C12orf42: variants seen among roughly 807,000 people sequenced by gnomAD.
C12orf42 encodes chromosome 12 open reading frame 42, also known as uncharacterized protein C12orf42.
C12orf42 carries 25 observed loss-of-function variants against 21.6 expected under a neutral mutation model. The ratio of observed to expected loss-of-function variants is 1.16; its 90% CI spans 0.84 to 1.62. C12orf42 has a LOEUF of 1.62. C12orf42 is among the 40% of genes most tolerant of loss of function. C12orf42 has a pLI of 0.00. For synonymous variants in C12orf42, 174 were observed against 175.0 expected (o/e 0.99, Z 0.05); for missense variants, 483 against 459.3 (o/e 1.05, Z -0.47).
At chr12:103,127,308 G>T in the C12orf42 span, among the ~76,000 whole-genome samples, 1 of 152,120 alleles carries the variant, frequency 6.6e-6, no homozygotes, top group South Asian at 2.1e-4. Flanking sequence ...AATGGTATGG[G>T]ATTAAAATGC....
At chr12:103,285,904 A>G (rs1335381403) in intron 4 of C12orf42, among the ~76,000 whole-genome samples, 3 of 152,194 alleles carry the variant, frequency 2.0e-5, no homozygotes, top group Non-Finnish European at 4.4e-5. Flanking sequence ...AGTACTTAAA[A>G]CAGTGCTAAA....
At chr12:103,290,380 A>C (rs1007298254) in intron 4 of C12orf42, among the ~76,000 whole-genome samples, 1 of 152,200 alleles carries the variant, frequency 6.6e-6, no homozygotes, top group Non-Finnish European at 1.5e-5. Context: ...ACCAGACAAT[A>C]GGAAGGTCTC....
the C12orf42 span, among the ~76,000 whole-genome samples, chr12:103,086,402 T>G: frequency 6.6e-6 from 1 of 151,612 alleles, no homozygotes; most frequent in Non-Finnish European, 1.5e-5. Flanking sequence ...TATTTCTAAT[T>G]CATAGCAAAC....
the C12orf42 span, among the ~76,000 whole-genome samples, chr12:103,160,969 T>C: frequency 6.6e-6 from 1 of 152,214 alleles, no homozygotes; most frequent in Non-Finnish European, 1.5e-5. Context: ...AAATAACCCT[T>C]ATTGAGCTAT....
the C12orf42 span, among the ~76,000 whole-genome samples, chr12:103,081,696 G>C: frequency 1.3e-5 from 2 of 152,020 alleles, no homozygotes; most frequent in East Asian, 3.8e-4. Context: ...CATCCTCTTA[G>C]CTTTCAATGT....
chr12:103,214,244 T>C, the C12orf42 span, among the ~76,000 whole-genome samples: 1 of 152,304 alleles, frequency 6.6e-6, no homozygotes, highest in East Asian at 1.9e-4. Flanking sequence ...TCACAGAAGA[T>C]AAAAAGAAAA....
At chr12:103,467,367 C>A (rs1953226007) in intron 2 of C12orf42, among the ~76,000 whole-genome samples, 1 of 151,924 alleles carries the variant, frequency 6.6e-6, no homozygotes, top group Non-Finnish European at 1.5e-5. Context: ...CTCCAGAGAC[C>A]CCTGTTGAAA....
chr12:103,390,880 AC>A (rs2047019198), intron 3 of C12orf42, among the ~76,000 whole-genome samples: 1 of 152,214 alleles, frequency 6.6e-6, no homozygotes, highest in Non-Finnish European at 1.5e-5. Flanking sequence ...ATTGATAAGG[AC>A]AGATGATTTT....
chr12:103,218,275 G>A, the C12orf42 span, among the ~76,000 whole-genome samples: 14 of 135,772 alleles, frequency 1.0e-4, no homozygotes, highest in South Asian at 4.8e-4. Flanking sequence ...AATGAACTCC[G>A]CTTCAAAAAA....
At chr12:103,187,649 T>C in the C12orf42 span, among the ~76,000 whole-genome samples, 1 of 152,214 alleles carries the variant, frequency 6.6e-6, no homozygotes, top group African/African-American at 2.4e-5. Flanking sequence ...TTTAAGTATC[T>C]CTGTTATCTA....
the C12orf42 span, among the ~76,000 whole-genome samples, chr12:103,146,206 C>T: frequency 6.6e-6 from 1 of 151,726 alleles, no homozygotes; most frequent in African/African-American, 2.4e-5. Flanking sequence ...TAGGGCTGGG[C>T]GTGGTGGCTC....
At chr12:103,556,711 T>A in the C12orf42 span, among the ~76,000 whole-genome samples, 2 of 152,156 alleles carry the variant, frequency 1.3e-5, no homozygotes, top group African/African-American at 4.8e-5. Flanking sequence ...CAAAAAGACA[T>A]GTCCCTGTTC....
chr12:103,198,043 T>C, the C12orf42 span, among the ~76,000 whole-genome samples: 18 of 152,200 alleles, frequency 1.2e-4, no homozygotes, highest in Non-Finnish European at 1.6e-4. Context: ...CACAGTCACA[T>C]GTGTGTGCTG....
the C12orf42 span, among the ~76,000 whole-genome samples, chr12:103,057,816 A>G: frequency 6.6e-6 from 1 of 152,162 alleles, no homozygotes; most frequent in Non-Finnish European, 1.5e-5. Context: ...CACTGTCACC[A>G]ACAGTGTAAA....
intron 3 of C12orf42, chr12:103,396,701 C>T (rs1036683999): frequency 2.0e-5 from 3 of 152,154 alleles, no homozygotes; most frequent in African/African-American, 7.2e-5. Context: ...GGCTCAGGAC[C>T]TGAAAGAAGG....
chr12:103,365,240 T>C (rs2044491519), intron 4 of C12orf42, among the ~76,000 whole-genome samples: 1 of 152,042 alleles, frequency 6.6e-6, no homozygotes. Context: ...ATAAACTCAG[T>C]AGATGCAGAA....
chr12:103,155,545 C>A, the C12orf42 span, among the ~76,000 whole-genome samples: 4 of 151,866 alleles, frequency 2.6e-5, no homozygotes, highest in Non-Finnish European at 5.9e-5. Context: ...GTTTGGAAGC[C>A]TCTCTCTCTC....
chr12:103,183,293 G>A, the C12orf42 span, among the ~76,000 whole-genome samples: 2 of 152,168 alleles, frequency 1.3e-5, no homozygotes, highest in African/African-American at 4.8e-5. Context: ...TGTTGGCCAG[G>A]GTGGTCTCGA....
chr12:103,095,505 G>C, the C12orf42 span, among the ~76,000 whole-genome samples: 1 of 152,116 alleles, frequency 6.6e-6, no homozygotes, highest in Non-Finnish European at 1.5e-5. Flanking sequence ...CCTGCTTCAA[G>C]TCTGCCTACA....
Sources: allele counts gnomAD v4.1 joint callset (sites outside exome capture counted in the v4.1 genomes callset), GRCh38; gene constraint gnomAD v4.1.1; transcripts MANE v1.5; gene names NCBI Gene and HGNC (gene_info 2026-07-23, HGNC 2026-07-21).